ZDHHC2: variants seen among roughly 807,000 people sequenced by gnomAD.
ZDHHC2 encodes the protein zDHHC palmitoyltransferase 2, also known as palmitoyltransferase ZDHHC2.
In ZDHHC2, 51 loss-of-function variants were observed where a neutral mutation model predicts 55.6. The observed-to-expected ratio is 0.92, with a 90% CI of 0.73 to 1.16. ZDHHC2 has a LOEUF of 1.16. Among genes scored for constraint, ZDHHC2 ranks in the 50% most tolerant of loss-of-function variants. The probability of loss-of-function intolerance (pLI) is 0.00; values close to 1 mark genes in which losing one functional copy is unlikely to be tolerated. For missense variants in ZDHHC2, 491 were observed against 442.4 expected, an observed-to-expected ratio of 1.11 and a Z score of -0.99; for synonymous variants, 199 against 152.9, an observed-to-expected ratio of 1.30 and a Z score of -2.22.
intron 1 of ZDHHC2, among the ~76,000 whole-genome samples, chr8:17,160,620 C>T (rs997801008): frequency 2.0e-5 from 3 of 152,180 alleles, no homozygotes; most frequent in African/African-American, 7.2e-5. Flanking sequence ...AATATCTTAG[C>T]CCATTGAAGT....
At chr8:17,169,644 G>C (rs2097517640) in intron 1 of ZDHHC2, among the ~76,000 whole-genome samples, 1 of 152,142 alleles carries the variant, frequency 6.6e-6, no homozygotes, top group Non-Finnish European at 1.5e-5. Flanking sequence ...CCGCAGCACA[G>C]GGACTGAACA....
intron 6 of ZDHHC2, among the ~76,000 whole-genome samples, chr8:17,202,721 T>TTATATATATATATA (rs71964858): frequency 1.4e-5 from 2 of 138,072 alleles, no homozygotes; most frequent in African/African-American, 5.7e-5. Context: ...TTTCTTCTAG[T>TTATATATATATATA]TATATATATA....
intron 1 of ZDHHC2, among the ~76,000 whole-genome samples, chr8:17,166,580 A>C (rs942605211): frequency 6.6e-6 from 1 of 152,186 alleles, no homozygotes; most frequent in Non-Finnish European, 1.5e-5. Context: ...CACTGGATAC[A>C]TTTGTTCTAC....
chr8:17,186,367 T>A lies in ZDHHC2; in HGVS notation c.194T>A (p.Met65Lys), dbSNP rs1308786952. ...CLMAYHLLFAMFVWSYWKTIF... is the reference protein window; with the variant it reads ...CLMAYHLLFAKFVWSYWKTIF... ...ATGGCCTATCATCTACTTTTTGCAATGTTTGTCTGGTCATACTGGAAAACT... is the reference window on the plus strand; with the variant it reads ...ATGGCCTATCATCTACTTTTTGCAAAGTTTGTCTGGTCATACTGGAAAACT... The change falls in exon 3 of 13, where the codon ATG becomes AAG. Residue 65 changes from methionine to lysine, a missense_variant. Physicochemically the swap from Met to Lys is moderately conservative, Grantham distance 95. Transcript: ENST00000262096. 6.3e-7 allele frequency: 1 copy of A among 1,594,570 alleles called. No individual in the cohort carries two copies. The highest frequency in any genetic ancestry group is 1.4e-5 in the African/African-American group (1 of 73,986).
At chr8:17,183,500 A>T (rs1418302175) in intron 1 of ZDHHC2, among the ~76,000 whole-genome samples, 1 of 152,228 alleles carries the variant, frequency 6.6e-6, no homozygotes, top group African/African-American at 2.4e-5. Flanking sequence ...ATCGAAGGTC[A>T]TCCAGGCCTG....
In ZDHHC2 at chr8:17,224,194, A is replaced by T. The variant is rs1808031796; in HGVS notation, c.*3973A>T. On this transcript the variant is annotated 3_prime_UTR_variant, in exon 13 of 13. Coordinates refer to ENST00000262096, the MANE Select transcript of ZDHHC2 (RefSeq NM_016353.5). ...AACCTGGGCAATGCCAACAGAAGAC[A>T]CTTTTAATCATTTGCAGACCTTTCT... 6.6e-6 allele frequency: 1 copy of T among 151,732 alleles called. No individual in the cohort carries two copies. The highest frequency in any genetic ancestry group is 6.6e-5 in the Admixed American group (1 of 15,194). 9.4% of individuals were successfully genotyped at this position (151,732 alleles called of 1,614,324 possible). A position where few individuals can be genotyped will look rare whatever the true frequency, so the allele number is the denominator to read the frequency against.
chr8:17,214,635 G>A (rs1001720038), intron 10 of ZDHHC2, among the ~76,000 whole-genome samples: 2 of 152,142 alleles, frequency 1.3e-5, no homozygotes, highest in Non-Finnish European at 2.9e-5. Context: ...TAGGCCCGGT[G>A]TGGTGGCCTA....
intron 1 of ZDHHC2, among the ~76,000 whole-genome samples, chr8:17,170,159 G>T (rs1804787755): frequency 6.6e-6 from 1 of 152,076 alleles, no homozygotes; most frequent in Non-Finnish European, 1.5e-5. Context: ...ATTCCAGCTG[G>T]GATCAAGAAA....
At chr8:17,196,767 G>C (rs571910629) in intron 4 of ZDHHC2, among the ~76,000 whole-genome samples, 2 of 152,020 alleles carry the variant, frequency 1.3e-5, no homozygotes, top group East Asian at 1.9e-4. Context: ...TAGCCTGGGC[G>C]TGGTGGCGCA....
chr8:17,184,274 G>C (rs569059056), intron 1 of ZDHHC2, among the ~76,000 whole-genome samples: 1 of 152,180 alleles, frequency 6.6e-6, no homozygotes, highest in African/African-American at 2.4e-5. Context: ...CTGGCCTTTC[G>C]TTGTGCAACA....
chr8:17,203,768 T>G (rs946420476), intron 6 of ZDHHC2, among the ~76,000 whole-genome samples: 3 of 151,858 alleles, frequency 2.0e-5, no homozygotes, highest in African/African-American at 4.8e-5. Flanking sequence ...TGTAACTGTT[T>G]CCATACAATG....
rs575229529 is a variant in ZDHHC2, at chr8:17,205,896, T to A, written c.597+121T>A. 8.7e-6 allele frequency: 8 copies of A among 921,728 alleles called. No individual in the cohort carries two copies. The African/African-American group carries it at 1.2e-4, about 14-fold the overall frequency. 57.1% of individuals were successfully genotyped at this position (921,728 alleles called of 1,614,324 possible). A position where few individuals can be genotyped will look rare whatever the true frequency, so the allele number is the denominator to read the frequency against. ...CCAGAGCTCATTGACATGCAGTCAG[T>A]CCTCATTATTCGCAGATTCTTTATT... On this transcript the variant is annotated intron_variant, in intron 7 of 12. Coordinates refer to ENST00000262096, the MANE Select transcript of ZDHHC2 (RefSeq NM_016353.5).
At chr8:17,208,174 C>A in intron 8 of ZDHHC2, 82 bp downstream of exon 8, 1 of 1,369,552 alleles carries the variant, frequency 7.3e-7, no homozygotes, top group Admixed American at 2.8e-5. Context: ...GATTAAATGC[C>A]AACTTGCCCT....
chr8:17,204,647 G>A (rs1418249061), intron 6 of ZDHHC2, among the ~76,000 whole-genome samples: 3 of 152,086 alleles, frequency 2.0e-5, no homozygotes, highest in Non-Finnish European at 2.9e-5. Flanking sequence ...AACACACACT[G>A]GGGCCTTTTG....
At chr8:17,193,752 G>C (rs1806159780) in intron 3 of ZDHHC2, among the ~76,000 whole-genome samples, 1 of 151,758 alleles carries the variant, frequency 6.6e-6, no homozygotes, top group Admixed American at 6.6e-5. Flanking sequence ...AAATGTAATA[G>C]TCCATCAGTG....
At chr8:17,197,520 C>A in intron 4 of ZDHHC2, 62 bp from the exon 5 acceptor site, 2 of 1,352,172 alleles carry the variant, frequency 1.5e-6, no homozygotes, top group East Asian at 2.4e-5. Flanking sequence ...TGATAAAAGC[C>A]ATTTAATTGT....
At chr8:17,214,608 G>A (rs1037137686) in intron 10 of ZDHHC2, among the ~76,000 whole-genome samples, 2 of 152,006 alleles carry the variant, frequency 1.3e-5, no homozygotes, top group Non-Finnish European at 2.9e-5. Flanking sequence ...TCTATAAATA[G>A]AATATAACTT....
At chr8:17,211,049 T>G (rs993021046) in intron 10 of ZDHHC2, among the ~76,000 whole-genome samples, 2 of 152,156 alleles carry the variant, frequency 1.3e-5, no homozygotes, top group Admixed American at 6.5e-5. Flanking sequence ...TTGCTCCAGC[T>G]TTAAGTTTGT....
intron 7 of ZDHHC2, 55 bp downstream of exon 7, chr8:17,205,830 G>A: frequency 6.7e-7 from 1 of 1,482,576 alleles, no homozygotes; most frequent in Non-Finnish European, 9.0e-7. Context: ...GATAATATAG[G>A]CTTTTCAGAA....
Sources: allele counts gnomAD v4.1 joint callset (sites outside exome capture counted in the v4.1 genomes callset), GRCh38; gene constraint gnomAD v4.1.1; transcripts MANE v1.5; gene names NCBI Gene and HGNC (gene_info 2026-07-23, HGNC 2026-07-21).